ADD3: variants seen among roughly 807,000 people sequenced by gnomAD.
The protein encoded by ADD3 is gamma-adducin.
Under a neutral mutation model 80.2 loss-of-function variants are expected in ADD3, and 25 were observed. The ratio of observed to expected loss-of-function variants is 0.31; its 90% CI spans 0.23 to 0.44. ADD3 has a LOEUF of 0.44. Ranked by LOEUF, ADD3 falls within the 20% of genes least tolerant of loss-of-function variation. The pLI is 1.00. For missense variants in ADD3, 829 were observed against 847.5 expected (o/e 0.98, Z 0.27); for synonymous variants, 284 against 289.6 (o/e 0.98, Z 0.20).
chr10:110,133,424 G>A lies in ADD3; in HGVS notation c.1927G>A (p.Ala643Thr), dbSNP rs1386035400. Residue 643 changes from alanine (A) to threonine (T), a missense_variant, in exon 15 of 15, where the codon GCT becomes ACT. By Grantham distance (58) the Ala-to-Thr change is moderately conservative (BLOSUM62 0). Coordinates refer to ENST00000356080, the MANE Select transcript of ADD3 (RefSeq NM_016824.5). ...DDMHDVEDEL[A>T]KRVSRLSTST... ...TATGCATGATGTTGAAGATGAGCTT[G>A]CTAAGCGAGTGAGTAGGTTAAGCAC... 1.2e-6 allele frequency: 2 copies of A among 1,613,680 alleles called. No homozygotes were observed. Among genetic ancestry groups the A allele is most frequent in the African/African-American group, 1.3e-5 (1 of 74,904 alleles).
At chr10:110,088,554 C>T (rs1590065839) in intron 1 of ADD3, among the ~76,000 whole-genome samples, 1 of 152,166 alleles carries the variant, frequency 6.6e-6, no homozygotes, top group Non-Finnish European at 1.5e-5. Context: ...TCCTTAGCAG[C>T]CAAAATCGGA....
intron 1 of ADD3, among the ~76,000 whole-genome samples, chr10:110,057,394 C>T (rs1222791329): frequency 6.6e-6 from 1 of 152,142 alleles, no homozygotes; most frequent in African/African-American, 2.4e-5. Context: ...AAACTCATGG[C>T]CTCAATCAGT....
chr10:109,996,735 G>A (rs563011702), intron 1 of ADD3, among the ~76,000 whole-genome samples: 1 of 152,280 alleles, frequency 6.6e-6, no homozygotes, highest in South Asian at 2.1e-4. Flanking sequence ...ATCTGGGAGG[G>A]CTTAGTAGAA....
In ADD3 at chr10:110,124,057, G is replaced by A. The variant is rs775567134; in HGVS notation, c.1184G>A (p.Arg395Gln). Reference sequence around the variant, plus strand: ...TATGCTTACAGGCATCCTCTCATTCGAGAGAAGCCTAGGCACAAGAGTGAT... The same window carrying A: ...TATGCTTACAGGCATCCTCTCATTCAAGAGAAGCCTAGGCACAAGAGTGAT... The part of the protein sequence containing the change: ...TGYAYRHPLI[R>Q]EKPRHKSDVE... The change falls in exon 10 of 15, where the codon CGA becomes CAA. Residue 395 changes from arginine (R) to glutamine (Q), a missense_variant. Physicochemically the swap from Arg to Gln is conservative, Grantham distance 43 (BLOSUM62 1). Coordinates refer to ENST00000356080, the MANE Select transcript of ADD3 (RefSeq NM_016824.5). 7.4e-6 allele frequency: 12 copies of A among 1,614,044 alleles called. No homozygotes were observed. Among genetic ancestry groups the A allele is most frequent in the South Asian group, 2.2e-5 (2 of 91,070 alleles).
intron 1 of ADD3, among the ~76,000 whole-genome samples, chr10:110,055,640 A>G (rs1361869102): frequency 1.3e-5 from 2 of 152,214 alleles, no homozygotes; most frequent in Admixed American, 1.3e-4. Context: ...ACAAAGAGGC[A>G]GGCATCAGAG....
At chr10:110,002,648 T>G (rs1020516245), upstream of ADD3, among the ~76,000 whole-genome samples, 1 of 152,084 alleles carries the variant, frequency 6.6e-6, no homozygotes, top group African/African-American at 2.4e-5. Context: ...CCACTAGGAG[T>G]TTCTTATTTG....
chr10:110,007,885 C>T (rs1014901510), upstream of ADD3: 6 of 136,334 alleles, frequency 4.4e-5, no homozygotes, highest in Admixed American at 7.4e-5. Flanking sequence ...GAGGGGCGGA[C>T]CTTGGGGGCG....
chr10:110,083,497 C>CA (rs1428039252), intron 1 of ADD3, among the ~76,000 whole-genome samples: 1 of 150,182 alleles, frequency 6.7e-6, no homozygotes, highest in Admixed American at 6.6e-5. Flanking sequence ...GCCTGGGTGA[C>CA]AGAGCAAGAC....
chr10:110,090,713 G>T (rs1847394042), intron 1 of ADD3, among the ~76,000 whole-genome samples: 1 of 152,204 alleles, frequency 6.6e-6, no homozygotes. Flanking sequence ...TCTTAGCTGT[G>T]GCCTCCAATT....
intron 10 of ADD3, among the ~76,000 whole-genome samples, chr10:110,125,506 T>G (rs1242481005): frequency 6.6e-6 from 1 of 151,828 alleles, no homozygotes; most frequent in African/African-American, 2.4e-5. Flanking sequence ...AAACACTGAA[T>G]GTGAGTGAAT....
chr10:110,029,558 G>A lies in ADD3; in HGVS notation c.-30+21259G>A, dbSNP rs143858195. On this transcript the variant is annotated intron_variant, in intron 1 of 14. Transcript: ENST00000356080. ...ATTTGAAATACTGAAAAGTGGGAAA[G>A]CATGGAGAGTTCTGAATAGATGATT... is the stretch of plus-strand genomic sequence containing the variant. 5.9e-3 allele frequency among the ~76,000 whole-genome samples: 894 copies of A among 152,324 alleles called. 3 individuals carry two copies. The highest frequency in any genetic ancestry group is 8.8e-3 in the Non-Finnish European group (600 of 68,022).
At chr10:110,019,868 C>T (rs948020151) in intron 1 of ADD3, among the ~76,000 whole-genome samples, 8 of 152,152 alleles carry the variant, frequency 5.3e-5, no homozygotes, top group African/African-American at 1.9e-4. Context: ...GTCCTTGGCT[C>T]TATGTATATG....
chr10:110,037,143 A>G (rs144633715), intron 1 of ADD3, among the ~76,000 whole-genome samples: 3 of 152,358 alleles, frequency 2.0e-5, no homozygotes, highest in African/African-American at 4.8e-5. Context: ...CTCATTTTAT[A>G]TGATAGGAAA....
intron 1 of ADD3, among the ~76,000 whole-genome samples, chr10:110,038,224 T>G (rs543643949): frequency 6.6e-6 from 1 of 152,304 alleles, no homozygotes; most frequent in East Asian, 1.9e-4. Context: ...TGACTTATTT[T>G]CCACTTACAT....
intron 1 of ADD3, among the ~76,000 whole-genome samples, chr10:110,071,598 C>G (rs74154971): frequency 0.011 from 1,620 of 152,042 alleles, 32 homozygotes; most frequent in African/African-American, 0.038. Flanking sequence ...TAGATTTATT[C>G]TTCACTTTTT....
intron 2 of ADD3, among the ~76,000 whole-genome samples, chr10:110,109,258 A>G (rs1297974533): frequency 1.3e-5 from 2 of 152,118 alleles, no homozygotes; most frequent in East Asian, 3.8e-4. Context: ...ATTGTAAATC[A>G]ATACACTGAG....
At chr10:109,999,918 T>G (rs999255380) in intron 1 of ADD3, among the ~76,000 whole-genome samples, 3 of 149,316 alleles carry the variant, frequency 2.0e-5, no homozygotes, top group African/African-American at 7.6e-5. Context: ...GTCTTAAGGT[T>G]GTTTTTTTTT....
chr10:110,131,918 A>C (rs1381296368), intron 13 of ADD3, among the ~76,000 whole-genome samples: 1 of 152,216 alleles, frequency 6.6e-6, no homozygotes, highest in Non-Finnish European at 1.5e-5. Context: ...ATATTGTTCA[A>C]AAATTCTGTG....
intron 14 of ADD3, 138 bp from the exon 15 acceptor site, chr10:110,133,188 G>C: frequency 1.2e-6 from 1 of 842,934 alleles, no homozygotes; most frequent in Non-Finnish European, 1.7e-6. Flanking sequence ...ATAGATCACA[G>C]TTTATTAAAA....
Sources: gnomAD v4.1 joint callset for allele counts (sites outside exome capture counted in the v4.1 genomes callset) on GRCh38, gnomAD v4.1.1 for gene constraint, MANE v1.5 for transcripts, NCBI Gene and HGNC (gene_info 2026-07-23, HGNC 2026-07-21) for gene names.